SUGCT: variants seen among roughly 807,000 people sequenced by gnomAD.
SUGCT encodes the protein succinyl-CoA:glutarate CoA-transferase.
A neutral mutation model predicts 55.0 loss-of-function variants in SUGCT; 41 were observed. The observed-to-expected ratio is 0.74, with a 90% confidence interval of 0.58 to 0.97. SUGCT has a LOEUF of 0.97. Ranked by LOEUF, SUGCT falls within the 50% of genes least tolerant of loss-of-function variation. The probability of loss-of-function intolerance (pLI) is 0.00; values close to 1 mark genes in which losing one functional copy is unlikely to be tolerated. For missense variants in SUGCT, 568 were observed against 547.8 expected, an observed-to-expected ratio of 1.04 and a Z score of -0.37; for synonymous variants, 187 against 200.4, an observed-to-expected ratio of 0.93 and a Z score of 0.56.
chr7:40,576,286 C>T (rs1796751451), intron 12 of SUGCT, among the ~76,000 whole-genome samples: 1 of 152,164 alleles, frequency 6.6e-6, no homozygotes, highest in Non-Finnish European at 1.5e-5. Flanking sequence ...CAGCTTTGAA[C>T]TGTTTGATTA....
intron 12 of SUGCT, among the ~76,000 whole-genome samples, chr7:40,556,985 T>A (rs1009280822): frequency 6.6e-6 from 1 of 152,092 alleles, no homozygotes; most frequent in Non-Finnish European, 1.5e-5. Flanking sequence ...CCCACTAGTG[T>A]TTTTTACAGA....
Position 40,175,553 on chromosome 7 carries a change from A to G in SUGCT, c.101-5394A>G, listed in dbSNP as rs557361602. The stretch of plus-strand genomic sequence containing the variant: ...TTTTTAAAGACAACTTATTGATTTC[A>G]TTAACACCCTATTGATTCATTAACA... On this transcript the variant is annotated intron_variant, in intron 1 of 13. Coordinates refer to ENST00000335693, the MANE Select transcript of SUGCT (RefSeq NM_001193313.2). Among the ~76,000 whole-genome samples the G allele has an allele frequency of 3.9e-5, 6 of 152,196 alleles. No homozygotes were observed. The East Asian group carries it at 1.2e-3, about 29-fold the overall frequency.
chr7:40,757,784 A>C (rs1015378522), intron 13 of SUGCT, among the ~76,000 whole-genome samples: 1 of 152,166 alleles, frequency 6.6e-6, no homozygotes, highest in Non-Finnish European at 1.5e-5. Context: ...AGGCTAAATG[A>C]TGGTATACCG....
the SUGCT span, among the ~76,000 whole-genome samples, chr7:40,995,850 GA>G: frequency 6.6e-6 from 1 of 152,120 alleles, no homozygotes; most frequent in Non-Finnish European, 1.5e-5. Flanking sequence ...CTTCATTTGT[GA>G]AATTCATTTC....
chr7:40,458,677 CTG>C (rs1491514159), intron 10 of SUGCT, among the ~76,000 whole-genome samples: 3 of 152,142 alleles, frequency 2.0e-5, no homozygotes, highest in East Asian at 3.9e-4. Context: ...TACATGTTGA[CTG>C]TATACAAGAT....
At chr7:40,816,883 C>A (rs35570092) in intron 13 of SUGCT, among the ~76,000 whole-genome samples, 46,871 of 152,010 alleles carry the variant, frequency 0.31, 7,750 homozygotes, top group South Asian at 0.44. Flanking sequence ...ACTCCAGAAC[C>A]AGGGCTTGGT....
chr7:40,580,742 AT>A (rs1273354445), intron 12 of SUGCT, among the ~76,000 whole-genome samples: 2 of 152,194 alleles, frequency 1.3e-5, no homozygotes, highest in Non-Finnish European at 2.9e-5. Flanking sequence ...CGGTGGTTCT[AT>A]GAGATTACAA....
chr7:40,163,164 T>G (rs1784259721), intron 1 of SUGCT, among the ~76,000 whole-genome samples: 1 of 152,198 alleles, frequency 6.6e-6, no homozygotes, highest in Non-Finnish European at 1.5e-5. Context: ...CCAACATAAT[T>G]GCAAGAGAAG....
In SUGCT at chr7:40,690,181, G is replaced by T. The variant is rs552708859; in HGVS notation, c.1090-59253G>T. Among the ~76,000 whole-genome samples, 8 of 152,212 alleles carry T rather than the reference G, an allele frequency of 5.3e-5. No homozygotes were observed. In the East Asian group the frequency reaches 1.5e-3, roughly 29 times the overall value. ...GAAAACATGTGGAGCTTGGGATATG[G>T]GCCAAGATGGTAAACATAATGGTTA... is the stretch of plus-strand genomic sequence containing the variant. On this transcript the variant is annotated intron_variant, in intron 12 of 13. Transcript: ENST00000335693.
intron 8 of SUGCT, among the ~76,000 whole-genome samples, chr7:40,313,148 G>A (rs1241778246): frequency 6.6e-6 from 1 of 152,142 alleles, no homozygotes; most frequent in African/African-American, 2.4e-5. Context: ...ATAATAGTTT[G>A]CTGTCAGAAT....
the SUGCT span, among the ~76,000 whole-genome samples, chr7:41,030,641 G>C: frequency 6.6e-6 from 1 of 152,014 alleles, no homozygotes; most frequent in Admixed American, 6.6e-5. Flanking sequence ...TAGTATCTAA[G>C]GATTTCCCAC....
intron 12 of SUGCT, among the ~76,000 whole-genome samples, chr7:40,628,563 C>T (rs950454359): frequency 1.3e-5 from 2 of 152,202 alleles, no homozygotes; most frequent in East Asian, 1.9e-4. Context: ...TCTCACCTGA[C>T]GTTGAATCCT....
chr7:40,419,172 GT>G (rs1334921096), intron 9 of SUGCT, among the ~76,000 whole-genome samples: 1 of 152,172 alleles, frequency 6.6e-6, no homozygotes, highest in African/African-American at 2.4e-5. Context: ...CAAAGTTCAT[GT>G]TTACATATTG....
chr7:40,506,857 G>A (rs1792632164), intron 12 of SUGCT, among the ~76,000 whole-genome samples: 1 of 151,874 alleles, frequency 6.6e-6, no homozygotes, highest in Admixed American at 6.6e-5. Context: ...TTGTACTTTT[G>A]GACTCCAGAA....
chr7:40,441,390 C>T (rs1028590828), intron 9 of SUGCT, among the ~76,000 whole-genome samples: 3 of 152,002 alleles, frequency 2.0e-5, no homozygotes, highest in South Asian at 4.1e-4. Context: ...ACATTTTCTT[C>T]AGAGTTTCAG....
At chr7:40,306,065 C>A (rs898472361) in intron 8 of SUGCT, among the ~76,000 whole-genome samples, 2 of 152,186 alleles carry the variant, frequency 1.3e-5, no homozygotes, top group Admixed American at 1.3e-4. Context: ...CTCCTTTTTA[C>A]ACAAGCTCTG....
chr7:41,029,860 A>T, the SUGCT span, among the ~76,000 whole-genome samples: 1 of 152,154 alleles, frequency 6.6e-6, no homozygotes, highest in Non-Finnish European at 1.5e-5. Flanking sequence ...TTGCAGTATC[A>T]TAAGTAATAG....
At chr7:40,848,348 C>A (rs1419981276) in intron 13 of SUGCT, among the ~76,000 whole-genome samples, 1 of 152,140 alleles carries the variant, frequency 6.6e-6, no homozygotes, top group Non-Finnish European at 1.5e-5. Flanking sequence ...TTTCTCTCCC[C>A]CTTAAGGAAA....
chr7:40,598,799 G>C (rs892364216), intron 12 of SUGCT, among the ~76,000 whole-genome samples: 3 of 152,198 alleles, frequency 2.0e-5, no homozygotes, highest in Non-Finnish European at 4.4e-5. Flanking sequence ...CACAGGATCT[G>C]TGTAGATAGT....
Sources: allele counts gnomAD v4.1 joint callset (sites outside exome capture counted in the v4.1 genomes callset), GRCh38; gene constraint gnomAD v4.1.1; transcripts MANE v1.5; gene names NCBI Gene and HGNC (gene_info 2026-07-23, HGNC 2026-07-21).